The following CLSTN2 variants were observed in gnomAD, a reference collection of about 807,000 sequenced individuals.
CLSTN2 encodes calsyntenin 2.
A neutral mutation model predicts 101.2 loss-of-function variants in CLSTN2; 48 were observed. The observed-to-expected ratio is 0.47, with a 90% CI of 0.38 to 0.60. CLSTN2 has a LOEUF of 0.60. CLSTN2 is among the 20% of genes least tolerant of loss of function. The pLI, the probability that CLSTN2 is intolerant of heterozygous loss-of-function variation, is 0.00. For missense variants in CLSTN2, 1,160 were observed against 1,238.2 expected, an observed-to-expected ratio of 0.94 and a Z score of 0.95; for synonymous variants, 481 against 463.6, an observed-to-expected ratio of 1.04 and a Z score of -0.48.
chr3:140,424,454 C>T (rs146266923), intron 5 of CLSTN2, among the ~76,000 whole-genome samples: 190 of 152,346 alleles, frequency 1.2e-3, no homozygotes, highest in African/African-American at 4.3e-3. Flanking sequence ...TCAACTCTTA[C>T]TCACTCATCT....
At chr3:140,392,015 A>G (rs1322105159) in intron 2 of CLSTN2, among the ~76,000 whole-genome samples, 1 of 152,074 alleles carries the variant, frequency 6.6e-6, no homozygotes, top group African/African-American at 2.4e-5. Flanking sequence ...CCTAAATATT[A>G]GAAACAATGC....
intron 2 of CLSTN2, among the ~76,000 whole-genome samples, chr3:140,303,857 G>T (rs2087085508): frequency 2.6e-5 from 4 of 151,724 alleles, no homozygotes; most frequent in Admixed American, 2.6e-4. Context: ...GGACTTCCAT[G>T]GGATCAACAT....
intron 2 of CLSTN2, among the ~76,000 whole-genome samples, chr3:140,317,233 G>T (rs2087239153): frequency 6.6e-6 from 1 of 152,124 alleles, no homozygotes; most frequent in Non-Finnish European, 1.5e-5. Flanking sequence ...AAAGAGGATT[G>T]TTGCTCCTTG....
intron 2 of CLSTN2, among the ~76,000 whole-genome samples, chr3:140,337,026 A>T (rs905476354): frequency 1.8e-4 from 28 of 152,170 alleles, no homozygotes; most frequent in African/African-American, 6.8e-4. Flanking sequence ...CAGTCTCTGG[A>T]GGGCCGCTGC....
At chr3:140,024,076 A>C (rs1489635469) in intron 1 of CLSTN2, among the ~76,000 whole-genome samples, 2 of 152,310 alleles carry the variant, frequency 1.3e-5, no homozygotes, top group East Asian at 3.9e-4. Context: ...TAATGTAGCC[A>C]ATCTGGGTCT....
intron 2 of CLSTN2, among the ~76,000 whole-genome samples, chr3:140,231,886 C>A (rs181711500): frequency 9.8e-5 from 15 of 152,304 alleles, no homozygotes; most frequent in African/African-American, 3.4e-4. Context: ...GGCAGCCACA[C>A]CTTCTCTGTT....
intron 11 of CLSTN2, among the ~76,000 whole-genome samples, chr3:140,557,352 G>A (rs780135095): frequency 2.6e-5 from 4 of 152,180 alleles, no homozygotes; most frequent in Non-Finnish European, 5.9e-5. Flanking sequence ...CACATTGTTG[G>A]AGCCTGGGAC....
chr3:140,013,844 C>A (rs2007139934), intron 1 of CLSTN2, among the ~76,000 whole-genome samples: 1 of 152,142 alleles, frequency 6.6e-6, no homozygotes, highest in Non-Finnish European at 1.5e-5. Context: ...CTTGAATGCC[C>A]ACATCACTGT....
chr3:140,305,192 C>G (rs922354550), intron 2 of CLSTN2, among the ~76,000 whole-genome samples: 10 of 152,098 alleles, frequency 6.6e-5, no homozygotes, highest in African/African-American at 2.2e-4. Context: ...TGGATTCAAG[C>G]TGTCACCACA....
At chr3:140,132,412 G>A (rs1438387879) in intron 1 of CLSTN2, among the ~76,000 whole-genome samples, 1 of 152,084 alleles carries the variant, frequency 6.6e-6, no homozygotes, top group Non-Finnish European at 1.5e-5. Context: ...CCCCATGCAG[G>A]ATAAGAAAAT....
chr3:140,058,563 T>C (rs564086515), intron 1 of CLSTN2, among the ~76,000 whole-genome samples: 1 of 152,252 alleles, frequency 6.6e-6, no homozygotes, highest in East Asian at 1.9e-4. Context: ...GAGCTCTCAA[T>C]TGTTTGTTTT....
intron 2 of CLSTN2, among the ~76,000 whole-genome samples, chr3:140,260,507 T>A (rs948739776): frequency 1.9e-4 from 29 of 151,044 alleles, no homozygotes; most frequent in African/African-American, 6.8e-4. Flanking sequence ...TTTTATTTTT[T>A]AGTCTGTTAA....
chr3:140,175,901 T>C, intron 1 of CLSTN2, 50 bp from the exon 2 acceptor site: 1 of 1,551,126 alleles, frequency 6.4e-7, no homozygotes. Context: ...TTATTATGGG[T>C]TTGTTATTTA....
chr3:140,034,299 A>C (rs776143457), intron 1 of CLSTN2, among the ~76,000 whole-genome samples: 10 of 152,314 alleles, frequency 6.6e-5, no homozygotes, highest in Middle Eastern at 6.8e-3. Flanking sequence ...ATGGTAGTGG[A>C]GGAGGGAGTA....
chr3:140,338,964 C>A (rs1323542094), intron 2 of CLSTN2, among the ~76,000 whole-genome samples: 1 of 152,194 alleles, frequency 6.6e-6, no homozygotes, highest in African/African-American at 2.4e-5. Context: ...GTATTCCCGC[C>A]GCCTGACACA....
intron 9 of CLSTN2, among the ~76,000 whole-genome samples, chr3:140,544,299 C>A (rs1399771961): frequency 1.3e-5 from 2 of 152,154 alleles, no homozygotes; most frequent in East Asian, 3.8e-4. Flanking sequence ...GTGATACCTG[C>A]CATCCAGGAG....
At position 140,338,719 on chromosome 3, in the gene CLSTN2, G is replaced by A. The variant is rs534846824; in HGVS notation, c.233-64910G>A. The stretch of plus-strand genomic sequence containing the variant: ...GGGCCTGGTCACTAGTTTGCACAAG[G>A]CTTTTCCTGCGTGAGGCCTAGTGGA... On this transcript the variant is annotated intron_variant, in intron 2 of 16. Transcript: ENST00000458420. 3.9e-5 allele frequency among the ~76,000 whole-genome samples: 6 copies of A among 152,316 alleles called. 1 individual carries two copies. The highest frequency in any genetic ancestry group is 3.9e-4 in the Admixed American group (6 of 15,292).
intron 2 of CLSTN2, among the ~76,000 whole-genome samples, chr3:140,357,874 AT>A (rs995169885): frequency 6.6e-6 from 1 of 152,112 alleles, no homozygotes; most frequent in African/African-American, 2.4e-5. Context: ...CTTAGGAAAA[AT>A]TTGAGTTTCT....
rs1227583541 is a variant in CLSTN2 at position 140,448,505 on chromosome 3, C to T, written c.788-14C>T. 1 of 1,596,338 alleles carries T rather than the reference C, an allele frequency of 6.3e-7. No homozygotes were observed. Among genetic ancestry groups the T allele is most frequent in the East Asian group, 2.3e-5 (1 of 44,392 alleles). ...GCACCTGATTCACTTTTCATCCTTT[C>T]CTTGTTTGTTTAGACTGGACCAAGA... On this transcript the variant is annotated splice_polypyrimidine_tract_variant and intron_variant, in intron 5 of 16. Coordinates refer to ENST00000458420, the MANE Select transcript of CLSTN2 (RefSeq NM_022131.3).
Sources: gnomAD v4.1 joint callset for allele counts (sites outside exome capture counted in the v4.1 genomes callset) on GRCh38, gnomAD v4.1.1 for gene constraint, MANE v1.5 for transcripts, NCBI Gene and HGNC (gene_info 2026-07-23, HGNC 2026-07-21) for gene names.